Variants in STPG2 observed in about 807,000 individuals in gnomAD.
The protein encoded by STPG2 is sperm tail PG-rich repeat containing 2, also known as sperm-tail PG-rich repeat-containing protein 2.
STPG2 carries 56 observed loss-of-function variants against 54.2 expected under a neutral mutation model. The observed-to-expected ratio is 1.03, with a 90% CI of 0.83 to 1.29. The LOEUF is 1.29. STPG2 is among the 50% of genes most tolerant of loss of function. The pLI is 0.00. For missense variants in STPG2, 596 were observed against 544.9 expected, an observed-to-expected ratio of 1.09 and a Z score of -0.93; for synonymous variants, 200 against 181.8, an observed-to-expected ratio of 1.10 and a Z score of -0.81.
intron 7 of STPG2, among the ~76,000 whole-genome samples, chr4:97,969,023 C>T (rs1734220620): frequency 6.6e-6 from 1 of 152,166 alleles, no homozygotes; most frequent in South Asian, 2.1e-4. Context: ...TAAACAGACG[C>T]ATGAAGGGCG....
intron 10 of STPG2, among the ~76,000 whole-genome samples, chr4:97,658,425 G>A (rs1470473677): frequency 2.0e-5 from 3 of 152,188 alleles, no homozygotes; most frequent in East Asian, 1.9e-4. Flanking sequence ...TCATACTTTG[G>A]TAAAGAGACA....
chr4:97,796,912 T>A (rs1727203909), intron 9 of STPG2, among the ~76,000 whole-genome samples: 1 of 152,198 alleles, frequency 6.6e-6, no homozygotes, highest in African/African-American at 2.4e-5. Flanking sequence ...GTCCTTCACA[T>A]CCCTTGTAAG....
At chr4:97,943,688 T>C (rs1048441708) in intron 8 of STPG2, among the ~76,000 whole-genome samples, 1 of 152,206 alleles carries the variant, frequency 6.6e-6, no homozygotes, top group African/African-American at 2.4e-5. Flanking sequence ...GGATGTTGCA[T>C]GTAATAATCT....
chr4:97,687,320 C>CT (rs33977046), intron 10 of STPG2, among the ~76,000 whole-genome samples: 98 of 146,324 alleles, frequency 6.7e-4, no homozygotes, highest in Non-Finnish European at 9.3e-4. Flanking sequence ...TGCACTGAAT[C>CT]TTTTTTTTTT....
At chr4:97,776,824 T>C (rs1477139093) in intron 9 of STPG2, among the ~76,000 whole-genome samples, 1 of 152,224 alleles carries the variant, frequency 6.6e-6, no homozygotes, top group Non-Finnish European at 1.5e-5. Flanking sequence ...AAATGTTCTT[T>C]ATTACTATTG....
intron 5 of STPG2, among the ~76,000 whole-genome samples, chr4:97,995,144 A>T (rs115942949): frequency 6.6e-5 from 10 of 150,572 alleles, no homozygotes; most frequent in Non-Finnish European, 1.0e-4. Flanking sequence ...CCGAAAGGCC[A>T]GTCTCACTCC....
At position 97,844,391 on chromosome 4, in the gene STPG2, A is replaced by G. The variant is rs537895058; in HGVS notation, c.1045-3459T>C. On this transcript the variant is annotated intron_variant, in intron 8 of 10. Coordinates refer to ENST00000295268, the MANE Select transcript of STPG2 (RefSeq NM_174952.3). ...AATTTTCCTTTACCATGCAATGGTA[A>G]AAGATCCAGACATATTTTTATTTCA... Among the ~76,000 whole-genome samples the G allele has an allele frequency of 1.1e-3, 169 of 152,170 alleles. 1 individual carries two copies. Among genetic ancestry groups the G allele is most frequent in the African/African-American group, 3.7e-3 (155 of 41,568 alleles).
intron 10 of STPG2, among the ~76,000 whole-genome samples, chr4:97,585,101 C>CAAAAAAAAAAAAAAAAAAAA (rs60854805): frequency 6.5e-5 from 3 of 46,262 alleles, no homozygotes; most frequent in Admixed American, 5.6e-4. Context: ...AAAATATTCT[C>CAAAAAAAAAAAAAAAAAAAA]AAAAAAAAAA....
chr4:97,789,640 A>T (rs1265241749), intron 9 of STPG2, among the ~76,000 whole-genome samples: 1 of 152,212 alleles, frequency 6.6e-6, no homozygotes, highest in Non-Finnish European at 1.5e-5. Flanking sequence ...TTATATACGA[A>T]CTATTTATAT....
chr4:97,669,196 C>T (rs965475822), intron 10 of STPG2, among the ~76,000 whole-genome samples: 21 of 152,096 alleles, frequency 1.4e-4, no homozygotes, highest in African/African-American at 4.8e-4. Flanking sequence ...ACTTTACAAA[C>T]TCTGACCTAA....
chr4:97,511,449 A>G (rs181148642), intron 4 of STPG2, among the ~76,000 whole-genome samples: 1 of 152,214 alleles, frequency 6.6e-6, no homozygotes, highest in East Asian at 1.9e-4. Context: ...ATAAGTTCCA[A>G]AATATATAAA....
At chr4:97,937,387 T>C (rs1309999346) in intron 8 of STPG2, among the ~76,000 whole-genome samples, 2 of 152,128 alleles carry the variant, frequency 1.3e-5, no homozygotes, top group African/African-American at 2.4e-5. Context: ...CTGTAATTCA[T>C]CTATCTCATC....
chr4:97,898,144 C>G (rs1248003090), intron 8 of STPG2, among the ~76,000 whole-genome samples: 1 of 152,102 alleles, frequency 6.6e-6, no homozygotes, highest in Non-Finnish European at 1.5e-5. Flanking sequence ...ATCTCAGCAG[C>G]ATTTATTGAA....
At chr4:98,047,895 T>TA (rs1216687682) in intron 5 of STPG2, among the ~76,000 whole-genome samples, 1 of 152,120 alleles carries the variant, frequency 6.6e-6, no homozygotes, top group African/African-American at 2.4e-5. Flanking sequence ...AAACACGAGC[T>TA]AAAAAAATAA....
In STPG2 at chr4:97,761,036, T is replaced by C. The variant is rs566495082; in HGVS notation, c.1205-48222A>G. Among the ~76,000 whole-genome samples, 19 of 152,232 alleles carry C rather than the reference T, an allele frequency of 1.2e-4. 1 individual carries two copies. The South Asian group carries it at 3.5e-3, about 28-fold the overall frequency. On this transcript the variant is annotated intron_variant, in intron 9 of 10. Coordinates refer to ENST00000295268, the MANE Select transcript of STPG2 (RefSeq NM_174952.3). Reference sequence around the variant, plus strand: ...CTCTGCTTCTTTCCTCTTTCACTTATAAAAACCTATGAGACTACATCAAAC... The same window carrying C: ...CTCTGCTTCTTTCCTCTTTCACTTACAAAAACCTATGAGACTACATCAAAC...
intron 10 of STPG2, among the ~76,000 whole-genome samples, chr4:97,582,556 T>C (rs1578404340): frequency 6.6e-6 from 1 of 152,078 alleles, no homozygotes; most frequent in Non-Finnish European, 1.5e-5. Flanking sequence ...TTGTCAACCA[T>C]CAATAAATCT....
At chr4:97,695,157 G>A (rs965042653) in intron 10 of STPG2, among the ~76,000 whole-genome samples, 2 of 150,696 alleles carry the variant, frequency 1.3e-5, no homozygotes, top group East Asian at 3.9e-4. Context: ...TGATCAAGTG[G>A]GTTTCATATC....
At chr4:98,041,544 G>A (rs1472718396) in intron 5 of STPG2, among the ~76,000 whole-genome samples, 1 of 151,922 alleles carries the variant, frequency 6.6e-6, no homozygotes. Context: ...ATCATGAAGT[G>A]ATGCTAAATT....
chr4:97,833,979 A>G (rs1453635173), intron 9 of STPG2, among the ~76,000 whole-genome samples: 2 of 152,142 alleles, frequency 1.3e-5, no homozygotes, highest in Non-Finnish European at 2.9e-5. Flanking sequence ...AACCAGAAAT[A>G]CCATTTGACC....
Sources: allele counts gnomAD v4.1 joint callset (sites outside exome capture counted in the v4.1 genomes callset), GRCh38; gene constraint gnomAD v4.1.1; transcripts MANE v1.5; gene names NCBI Gene and HGNC (gene_info 2026-07-23, HGNC 2026-07-21).